Variants in ANK2 observed in about 807,000 individuals in gnomAD.
ANK2 encodes ankyrin 2.
A neutral mutation model predicts 360.5 loss-of-function variants in ANK2; 83 were observed. The observed-to-expected ratio is 0.23, with a 90% CI of 0.19 to 0.28. ANK2 has a LOEUF of 0.28. Among genes scored for constraint, ANK2 ranks in the 10% least tolerant of loss-of-function variants. The pLI, the probability that ANK2 is intolerant of heterozygous loss-of-function variation, is 1.00. For synonymous variants in ANK2, 1,740 were observed against 1,759.5 expected (o/e 0.99, Z 0.28); for missense variants, 4,201 against 4,795.7 (o/e 0.88, Z 3.66).
In ANK2 at chr4:113,355,446, A is replaced by T; in HGVS notation, c.6828A>T (p.Glu2276Asp). Residue 2276 changes from glutamate to aspartate, a missense_variant, in exon 38 of 46, where the codon GAA becomes GAT. Physicochemically the swap from Glu to Asp is conservative, Grantham distance 45. This residue lies in a region of ANK2 where 2,642 missense variants were observed against 2,714.5 expected (regional missense o/e 0.97). Transcript: ENST00000357077. ...AAACCACCACAGAAATTCGTTCAGA[A>T]AAAGAGCATCCCACGACCAAAGACA... ...KTETTTEIRS[E>D]KEHPTTKDIT... The T allele has an allele frequency of 6.2e-7, 1 of 1,613,986 alleles. No individual in the cohort carries two copies.
chr4:113,059,710 A>G (rs181996776), intron 1 of ANK2, among the ~76,000 whole-genome samples: 100 of 152,210 alleles, frequency 6.6e-4, no homozygotes, highest in Non-Finnish European at 1.1e-3. Context: ...TTGTTTCCAT[A>G]ATTTTAGATT....
At chr4:113,050,595 G>C (rs1243798082) in intron 1 of ANK2, among the ~76,000 whole-genome samples, 1 of 152,104 alleles carries the variant, frequency 6.6e-6, no homozygotes, top group Non-Finnish European at 1.5e-5. Flanking sequence ...ACTCCTTCTG[G>C]TAAACTGTTG....
intron 45 of ANK2, among the ~76,000 whole-genome samples, chr4:113,376,802 GTTTT>G (rs36011726): frequency 2.1e-4 from 24 of 114,180 alleles, no homozygotes; most frequent in African/African-American, 7.0e-4. Flanking sequence ...ACTTTTTAAG[GTTTT>G]TTTTTTTTTT....
chr4:113,216,086 A>G (rs2099082296), intron 4 of ANK2, among the ~76,000 whole-genome samples: 1 of 152,160 alleles, frequency 6.6e-6, no homozygotes. Context: ...TTCAAGTTTC[A>G]GATTCTAAAT....
chr4:113,330,419 G>C lies in ANK2; in HGVS notation c.3074G>C (p.Gly1025Ala), dbSNP rs773532854. 2.8e-4 allele frequency: 450 copies of C among 1,614,116 alleles called. No homozygotes were observed. The highest frequency in any genetic ancestry group is 3.7e-4 in the Non-Finnish European group (439 of 1,180,050). The change falls in exon 27 of 46, where the codon GGC (glycine) becomes GCC (alanine). Residue 1025 changes from glycine (G) to alanine (A), a missense_variant. Physicochemically the swap from Gly to Ala is moderately conservative, Grantham distance 60. Coordinates refer to ENST00000357077, the MANE Select transcript of ANK2 (RefSeq NM_001148.6). Reference sequence around the variant, plus strand: ...ATGCCTCCAATGGTGGAAGGAGAAGGCCTGGCCAGTCGCCTGATCGAAGTT... The same window carrying C: ...ATGCCTCCAATGGTGGAAGGAGAAGCCCTGGCCAGTCGCCTGATCGAAGTT... The part of the protein sequence containing the change: ...ATMPPMVEGE[G>A]LASRLIEVGP...
At chr4:113,317,837 T>C in intron 25 of ANK2, 28 bp downstream of exon 25, 1 of 1,567,764 alleles carries the variant, frequency 6.4e-7, no homozygotes, top group Admixed American at 1.7e-5. Context: ...TTCATGTCTT[T>C]GCTTTCTGGA....
At chr4:112,867,066 T>C (rs1285002536) in intron 1 of ANK2, among the ~76,000 whole-genome samples, 1 of 152,066 alleles carries the variant, frequency 6.6e-6, no homozygotes. Context: ...TTATTATGTA[T>C]TGTCTGTAAG....
At chr4:112,825,403 A>G (rs1237393242) in intron 1 of ANK2, among the ~76,000 whole-genome samples, 1 of 152,240 alleles carries the variant, frequency 6.6e-6, no homozygotes, top group African/African-American at 2.4e-5. Context: ...AGAAAATTTC[A>G]TCATTCAAGA....
At chr4:113,031,802 TAAATA>T (rs2060469752) in intron 2 of ANK2, among the ~76,000 whole-genome samples, 1 of 151,984 alleles carries the variant, frequency 6.6e-6, no homozygotes, top group South Asian at 2.1e-4. Context: ...GAACACATGA[TAAATA>T]AAACAGAGAC....
intron 5 of ANK2, among the ~76,000 whole-genome samples, chr4:113,235,781 A>G (rs903057335): frequency 7.0e-6 from 1 of 142,996 alleles, no homozygotes; most frequent in Non-Finnish European, 1.5e-5. Flanking sequence ...TTGTGCTGTC[A>G]CCCAGGCTGG....
At chr4:113,238,410 ATGACTAGGTTG>A (rs1156815302) in intron 7 of ANK2, among the ~76,000 whole-genome samples, 1 of 152,148 alleles carries the variant, frequency 6.6e-6, no homozygotes, top group African/African-American at 2.4e-5. Context: ...ATCTCGCTTG[ATGACTAGGTTG>A]TGGACTTTTG....
chr4:113,088,117 T>G (rs1317148834), intron 1 of ANK2, among the ~76,000 whole-genome samples: 1 of 152,162 alleles, frequency 6.6e-6, no homozygotes, highest in East Asian at 1.9e-4. Flanking sequence ...ACTGGATAGA[T>G]TTAAGGCTGA....
chr4:112,916,587 C>G (rs933644529), intron 2 of ANK2, among the ~76,000 whole-genome samples: 2 of 152,166 alleles, frequency 1.3e-5, no homozygotes, highest in Admixed American at 6.5e-5. Context: ...AGCGATGTTA[C>G]TGCGAGTAAA....
chr4:112,769,689 G>A, the ANK2 span, among the ~76,000 whole-genome samples: 1 of 152,176 alleles, frequency 6.6e-6, no homozygotes, highest in African/African-American at 2.4e-5. Context: ...GTTTGTGAGG[G>A]AGTTTCTGGA....
intron 4 of ANK2, among the ~76,000 whole-genome samples, chr4:113,204,954 G>A (rs1025026210): frequency 5.3e-5 from 8 of 152,124 alleles, no homozygotes; most frequent in African/African-American, 1.9e-4. Context: ...TGTAAGACTT[G>A]GCCGGGTGCA....
intron 2 of ANK2, among the ~76,000 whole-genome samples, chr4:113,190,679 G>T (rs1373126102): frequency 6.6e-6 from 1 of 152,020 alleles, no homozygotes; most frequent in African/African-American, 2.4e-5. Flanking sequence ...AGGGGAGGAG[G>T]TTTAAAAGTG....
chr4:113,281,740 A>AT lies in ANK2; in HGVS notation c.1882-928dup, dbSNP rs1173544675. Among the ~76,000 whole-genome samples, 10 of 152,192 alleles carry AT rather than the reference A, an allele frequency of 6.6e-5. No individual in the cohort carries two copies. The East Asian group carries it at 1.9e-3, about 29-fold the overall frequency. ...TGTTGCAGACTTACAGTTGTTCCAC[A>AT]TTTTTTTCTTTTAACTAAACATGGG... is the stretch of plus-strand genomic sequence containing the variant. On this transcript the variant is annotated intron_variant, in intron 17 of 45. Transcript: ENST00000357077.
the ANK2 span, among the ~76,000 whole-genome samples, chr4:112,715,628 TCTG>T: frequency 3.9e-5 from 6 of 152,224 alleles, no homozygotes; most frequent in African/African-American, 1.4e-4. Context: ...ATGCTGTAGT[TCTG>T]CTGTTTACCT....
intron 43 of ANK2, among the ~76,000 whole-genome samples, chr4:113,371,386 T>C (rs1419841042): frequency 1.3e-5 from 2 of 152,222 alleles, no homozygotes; most frequent in Admixed American, 6.5e-5. Flanking sequence ...CTCAAATTCT[T>C]GGCTTGAATG....
Sources: gnomAD v4.1 joint callset for allele counts (sites outside exome capture counted in the v4.1 genomes callset) on GRCh38, gnomAD v4.1.1 for gene constraint, gnomAD v4.1.1 regional missense constraint, MANE v1.5 for transcripts, NCBI Gene and HGNC (gene_info 2026-07-23, HGNC 2026-07-21) for gene names.